ATP6V1H: variants seen among roughly 807,000 people sequenced by gnomAD.
ATP6V1H encodes the protein V-type proton ATPase subunit H.
Under a neutral mutation model 71.7 loss-of-function variants are expected in ATP6V1H, and 39 were observed. The ratio of observed to expected loss-of-function variants is 0.54; its 90% CI spans 0.42 to 0.71. ATP6V1H has a LOEUF of 0.71. Among genes scored for constraint, ATP6V1H ranks in the 30% least tolerant of loss-of-function variants. ATP6V1H has a pLI of 0.00. For synonymous variants in ATP6V1H, 192 were observed against 199.3 expected, an observed-to-expected ratio of 0.96 and a Z score of 0.31; for missense variants, 509 against 594.9, an observed-to-expected ratio of 0.86 and a Z score of 1.50.
In ATP6V1H at chr8:53,807,618, G is replaced by A. The variant is rs189221594; in HGVS notation, c.579+3546C>T. On this transcript the variant is annotated intron_variant, in intron 7 of 13. Coordinates refer to ENST00000359530, the MANE Select transcript of ATP6V1H (RefSeq NM_015941.4). The stretch of plus-strand genomic sequence containing the variant: ...AGGCAAATCCCAAGACAGAAAGTAG[G>A]TTAGTGGTTGCCAGGGCTTGGAGGC... 5.3e-3 allele frequency among the ~76,000 whole-genome samples: 807 copies of A among 152,274 alleles called. 6 individuals are homozygous for A. The highest frequency in any genetic ancestry group is 6.4e-3 in the Non-Finnish European group (437 of 68,018).
chr8:53,794,116 G>A lies in ATP6V1H; in HGVS notation c.870+1531C>T, dbSNP rs540073656. On this transcript the variant is annotated intron_variant, in intron 9 of 13. Coordinates refer to ENST00000359530, the MANE Select transcript of ATP6V1H (RefSeq NM_015941.4). ...ATAAATAGCTCTACACCAACACAGC[G>A]GAAAATAGCCATTAAAAAAAATACT... 1.5e-4 allele frequency among the ~76,000 whole-genome samples: 22 copies of A among 151,328 alleles called. No homozygotes were observed. In the South Asian group the frequency reaches 2.5e-3, roughly 17 times the overall value.
At chr8:53,777,860 T>C (rs765880229) in intron 9 of ATP6V1H, among the ~76,000 whole-genome samples, 2 of 152,206 alleles carry the variant, frequency 1.3e-5, no homozygotes, top group Non-Finnish European at 1.5e-5. Flanking sequence ...AGGAAAGTGA[T>C]ACCACAAGTG....
At chr8:53,835,419 G>A (rs1345798656) in intron 2 of ATP6V1H, among the ~76,000 whole-genome samples, 1 of 152,296 alleles carries the variant, frequency 6.6e-6, no homozygotes, top group East Asian at 1.9e-4. Flanking sequence ...CTCCCCAAGA[G>A]AAGGGACCTG....
Position 53,758,639 on chromosome 8 carries a change from A to G in ATP6V1H, c.1176-1983T>C, listed in dbSNP as rs61677687. On this transcript the variant is annotated intron_variant, in intron 11 of 13. Transcript: ENST00000359530. ...CAAGGCAAGTTGAATCTATGCTCCCAGGTAGCCATCTTCAAGCTTTGAGCT... is the reference window on the plus strand; with the variant it reads ...CAAGGCAAGTTGAATCTATGCTCCCGGGTAGCCATCTTCAAGCTTTGAGCT... Among the ~76,000 whole-genome samples the G allele has an allele frequency of 2.7e-3, 408 of 152,370 alleles. 1 individual carries two copies. The highest frequency in any genetic ancestry group is 9.2e-3 in the African/African-American group (382 of 41,590).
chr8:53,783,576 T>C (rs1377462587), intron 9 of ATP6V1H, among the ~76,000 whole-genome samples: 4 of 152,248 alleles, frequency 2.6e-5, no homozygotes, highest in Non-Finnish European at 5.9e-5. Flanking sequence ...TTTCTTGCCT[T>C]CTGCTAGCTT....
At chr8:53,791,293 C>G (rs1809557382) in intron 9 of ATP6V1H, among the ~76,000 whole-genome samples, 3 of 152,126 alleles carry the variant, frequency 2.0e-5, no homozygotes. Flanking sequence ...TAGAAGGTGC[C>G]ATGCTTCAGT....
intron 13 of ATP6V1H, 65 bp downstream of exon 13, chr8:53,743,512 T>C: frequency 3.4e-6 from 4 of 1,183,838 alleles, no homozygotes; most frequent in Middle Eastern, 1.9e-4. Context: ...GCATAAGAAC[T>C]TTTAGAATGG....
intron 9 of ATP6V1H, among the ~76,000 whole-genome samples, chr8:53,784,879 T>G (rs997802965): frequency 9.9e-5 from 15 of 152,222 alleles, no homozygotes; most frequent in African/African-American, 1.7e-4. Context: ...ACTCTCTTCT[T>G]GCTTGTAGAG....
chr8:53,757,204 G>A (rs1451822171), intron 11 of ATP6V1H, among the ~76,000 whole-genome samples: 2 of 152,196 alleles, frequency 1.3e-5, no homozygotes, highest in African/African-American at 4.8e-5. Flanking sequence ...TGCCCTTCTG[G>A]TACTTTCTCC....
chr8:53,759,506 G>T (rs1243708346), intron 11 of ATP6V1H, among the ~76,000 whole-genome samples: 1 of 152,172 alleles, frequency 6.6e-6, no homozygotes, highest in Non-Finnish European at 1.5e-5. Context: ...CTATCAAATA[G>T]TCCAATGGAT....
At chr8:53,842,315 T>C (rs1403267918) in intron 1 of ATP6V1H, among the ~76,000 whole-genome samples, 1 of 152,218 alleles carries the variant, frequency 6.6e-6, no homozygotes, top group African/African-American at 2.4e-5. Context: ...CAAATACATA[T>C]TACAATTTAG....
intron 13 of ATP6V1H, among the ~76,000 whole-genome samples, chr8:53,737,023 A>G (rs971405641): frequency 6.6e-6 from 1 of 152,232 alleles, no homozygotes; most frequent in Non-Finnish European, 1.5e-5. Context: ...ATGCAGCCCC[A>G]GCCACATATC....
chr8:53,733,779 G>C (rs1253422580), intron 13 of ATP6V1H, among the ~76,000 whole-genome samples: 2 of 152,312 alleles, frequency 1.3e-5, no homozygotes, highest in Middle Eastern at 3.4e-3. Context: ...CGAACCTTTT[G>C]AATAGGGGTC....
chr8:53,774,524 A>G (rs1243918861), intron 9 of ATP6V1H, among the ~76,000 whole-genome samples: 4 of 152,248 alleles, frequency 2.6e-5, no homozygotes, highest in Non-Finnish European at 5.9e-5. Context: ...TTGTGAACAA[A>G]GTGTATATTT....
rs1389525342 is a variant in ATP6V1H, at chr8:53,765,451, AACAACACACACACACACACACACACAC to A, written c.1175+4140_1175+4166del. Among the ~76,000 whole-genome samples the A allele has an allele frequency of 5.4e-5, 5 of 93,152 alleles. No individual in the cohort carries two copies. In the East Asian group the frequency reaches 9.7e-4, roughly 18 times the overall value. 61.1% of individuals were successfully genotyped at this position (93,152 alleles called of 152,430 possible). A position where few individuals can be genotyped will look rare whatever the true frequency, so the allele number is the denominator to read the frequency against. ...GGGGAGGGTGGTGGACAACAACAACAACAACACACACACACACACACACACACACACACACACACACACACACACAAG... is the reference window on the plus strand; with the variant it reads ...GGGGAGGGTGGTGGACAACAACAACAACACACACACACACACACACACAAG... On this transcript the variant is annotated intron_variant, in intron 11 of 13. Transcript: ENST00000359530.
rs149519545 is a variant in ATP6V1H at position 53,759,451 on chromosome 8, C to T, written c.1176-2795G>A. Among the ~76,000 whole-genome samples, 335 of 152,322 alleles carry T rather than the reference C, an allele frequency of 2.2e-3. 2 individuals are homozygous for T. Among genetic ancestry groups the T allele is most frequent in the African/African-American group, 7.8e-3 (324 of 41,580 alleles). Reference sequence around the variant, plus strand: ...GTTAAGTCAACAATAGATTCATCAACCACAATCCAAACCTCTATTGCCACG... The same window carrying T: ...GTTAAGTCAACAATAGATTCATCAATCACAATCCAAACCTCTATTGCCACG... On this transcript the variant is annotated intron_variant, in intron 11 of 13. Coordinates refer to ENST00000359530, the MANE Select transcript of ATP6V1H (RefSeq NM_015941.4).
chr8:53,740,188 C>A (rs573764897), intron 13 of ATP6V1H, among the ~76,000 whole-genome samples: 20 of 152,150 alleles, frequency 1.3e-4, no homozygotes, highest in East Asian at 3.9e-4. Flanking sequence ...AATCAAAATC[C>A]AAATCCATAT....
intron 13 of ATP6V1H, 31 bp downstream of exon 13, chr8:53,743,546 G>T: frequency 1.3e-6 from 2 of 1,507,974 alleles, no homozygotes; most frequent in Non-Finnish European, 1.8e-6. Context: ...GCAGACTAAT[G>T]TACAAGTGTG....
chr8:53,817,871 C>T (rs1183468054), intron 4 of ATP6V1H, among the ~76,000 whole-genome samples: 4 of 151,638 alleles, frequency 2.6e-5, no homozygotes, highest in African/African-American at 4.8e-5. Context: ...GGCTGCCATA[C>T]GAGGGAAATC....
Sources: allele counts gnomAD v4.1 joint callset (sites outside exome capture counted in the v4.1 genomes callset), GRCh38; gene constraint gnomAD v4.1.1; transcripts MANE v1.5; gene names NCBI Gene and HGNC (gene_info 2026-07-23, HGNC 2026-07-21).